SLC38A12: variants seen among roughly 807,000 people sequenced by gnomAD.
The protein encoded by SLC38A12 is solute carrier family 38 member 12.
chr17:74,837,256 C>G, the SLC38A12 span: 1 of 985,648 alleles, frequency 1.0e-6, no homozygotes, highest in Non-Finnish European at 1.2e-6. Flanking sequence ...GAGGGCCTGG[C>G]TGGCCCCATG....
At chr17:74,779,947 A>G in the SLC38A12 span, among the ~76,000 whole-genome samples, 1 of 152,212 alleles carries the variant, frequency 6.6e-6, no homozygotes, top group East Asian at 1.9e-4. Flanking sequence ...TGAACACGGG[A>G]ACGTGGTTCA....
the SLC38A12 span, among the ~76,000 whole-genome samples, chr17:74,803,064 G>A: frequency 6.6e-6 from 1 of 152,048 alleles, no homozygotes; most frequent in Non-Finnish European, 1.5e-5. Flanking sequence ...AAAATCCAAA[G>A]GTATGAAATA....
At chr17:74,828,825 G>T in the SLC38A12 span, among the ~76,000 whole-genome samples, 3 of 152,154 alleles carry the variant, frequency 2.0e-5, no homozygotes, top group African/African-American at 7.2e-5. Context: ...CAGGGTTAGA[G>T]TGAGGAGTCC....
the SLC38A12 span, among the ~76,000 whole-genome samples, chr17:74,824,574 G>T: frequency 3.9e-5 from 6 of 152,168 alleles, no homozygotes; most frequent in Non-Finnish European, 8.8e-5. Context: ...TTGGTGCGGG[G>T]CGCCCCATTT....
chr17:74,790,425 C>T, the SLC38A12 span: 3 of 824,290 alleles, frequency 3.6e-6, no homozygotes, highest in Non-Finnish European at 4.1e-6. Flanking sequence ...CTGAGGCAGG[C>T]CCTGTGGTAG....
chr17:74,786,977 G>A, the SLC38A12 span, among the ~76,000 whole-genome samples: 2 of 152,292 alleles, frequency 1.3e-5, no homozygotes, highest in South Asian at 2.1e-4. Context: ...GTGTTTGAAC[G>A]TGATCGATGA....
chr17:74,807,086 C>G, the SLC38A12 span, among the ~76,000 whole-genome samples: 1,995 of 152,188 alleles, frequency 0.013, 18 homozygotes, highest in Middle Eastern at 0.027. Flanking sequence ...TCTCCTGGAG[C>G]CTTCTCTCTC....
the SLC38A12 span, chr17:74,791,155 G>C: frequency 4.8e-6 from 4 of 838,518 alleles, no homozygotes; most frequent in South Asian, 1.6e-5. Flanking sequence ...AGAGCAGGTG[G>C]TAGAGCTGCT....
chr17:74,812,684 CCTCA>C, the SLC38A12 span, among the ~76,000 whole-genome samples: 1 of 152,174 alleles, frequency 6.6e-6, no homozygotes, highest in Admixed American at 6.5e-5. Flanking sequence ...CCTGCGCCCT[CCTCA>C]CTCCAAGCCC....
the SLC38A12 span, among the ~76,000 whole-genome samples, chr17:74,821,670 G>C: frequency 6.6e-6 from 1 of 152,236 alleles, no homozygotes; most frequent in African/African-American, 2.4e-5. Flanking sequence ...GTAAGACCTG[G>C]TGGTCTCAGA....
the SLC38A12 span, among the ~76,000 whole-genome samples, chr17:74,830,960 CAGTG>C: frequency 3.9e-5 from 6 of 152,258 alleles, no homozygotes; most frequent in African/African-American, 1.2e-4. Flanking sequence ...CGCGGGGCCT[CAGTG>C]AGGCTCTGCC....
chr17:74,828,807 G>T, the SLC38A12 span, among the ~76,000 whole-genome samples: 4 of 152,140 alleles, frequency 2.6e-5, no homozygotes, highest in South Asian at 8.3e-4. Flanking sequence ...GCAAATCAGG[G>T]CAGATGACAG....
the SLC38A12 span, among the ~76,000 whole-genome samples, chr17:74,817,262 G>A: frequency 2.6e-5 from 4 of 152,186 alleles, no homozygotes; most frequent in African/African-American, 4.8e-5. Context: ...CAGTCTGTGC[G>A]TGTTTGCTGT....
At chr17:74,776,710 T>G in the SLC38A12 span, 2,535 of 154,038 alleles carry the variant, frequency 0.016, 70 homozygotes, top group African/African-American at 0.057. Context: ...GGAGTGGGGT[T>G]CTTGAGAAAA....
the SLC38A12 span, among the ~76,000 whole-genome samples, chr17:74,805,328 GAA>G: frequency 6.6e-6 from 1 of 152,238 alleles, no homozygotes; most frequent in African/African-American, 2.4e-5. The surrounding 1 kb of genome is among the most constrained non-coding windows in gnomAD (Gnocchi z 5.0). Context: ...CTGCCAGAGA[GAA>G]GAGGGGCTGT....
the SLC38A12 span, chr17:74,777,510 C>T: frequency 5.8e-6 from 9 of 1,546,576 alleles, no homozygotes; most frequent in South Asian, 1.0e-4. Flanking sequence ...GGGGGAGTTC[C>T]ATGGGGCAGC....
chr17:74,800,299 G>C, the SLC38A12 span, among the ~76,000 whole-genome samples: 1 of 152,236 alleles, frequency 6.6e-6, no homozygotes, highest in Non-Finnish European at 1.5e-5. Context: ...GTGAGTGAGC[G>C]CCTTTGCACG....
chr17:74,822,526 C>T, the SLC38A12 span, among the ~76,000 whole-genome samples: 83 of 152,234 alleles, frequency 5.5e-4, 1 homozygote, highest in Admixed American at 5.4e-3. Flanking sequence ...CTTAGCAAGT[C>T]ATCTGCCTCT....
At chr17:74,837,327 C>T in the SLC38A12 span, 11 of 985,528 alleles carry the variant, frequency 1.1e-5, no homozygotes, top group Non-Finnish European at 1.2e-5. Context: ...AGGGCCCTCG[C>T]TGTGGGCGCG....
Sources: allele counts gnomAD v4.1 joint callset (sites outside exome capture counted in the v4.1 genomes callset), GRCh38; gene constraint gnomAD v4.1.1; non-coding constraint Gnocchi (gnomAD v3.1); transcripts MANE v1.5; gene names NCBI Gene and HGNC (gene_info 2026-07-23, HGNC 2026-07-21).